The following RFX4 variants were observed in gnomAD, a reference collection of about 807,000 sequenced individuals.
RFX4 encodes the protein transcription factor RFX4.
In RFX4, 10 loss-of-function variants were observed where a neutral mutation model predicts 95.0. That is an observed-to-expected ratio of 0.11 (90% CI 0.06 to 0.18). The LOEUF (loss-of-function observed/expected upper bound fraction) is 0.18. RFX4 is among the 10% of genes least tolerant of loss of function. The pLI is 1.00. For missense variants in RFX4, 640 were observed against 922.0 expected (o/e 0.69, Z 3.96); for synonymous variants, 321 against 340.7 (o/e 0.94, Z 0.64).
chr12:106,689,827 T>C (rs886159059), intron 7 of RFX4, among the ~76,000 whole-genome samples: 1 of 152,210 alleles, frequency 6.6e-6, no homozygotes, highest in South Asian at 2.1e-4. Flanking sequence ...GATCCATAGA[T>C]TTCCATCAAA....
intron 17 of RFX4, among the ~76,000 whole-genome samples, chr12:106,753,713 A>C (rs993365412): frequency 3.3e-5 from 5 of 152,160 alleles, no homozygotes; most frequent in African/African-American, 1.2e-4. Context: ...CTCCTGTCCA[A>C]GCTCTCAGGC....
intron 1 of RFX4, among the ~76,000 whole-genome samples, chr12:106,602,315 G>A (rs933618096): frequency 3.9e-5 from 6 of 152,120 alleles, no homozygotes; most frequent in Non-Finnish European, 8.8e-5. Flanking sequence ...GTGAGTTCCT[G>A]GTGGATAGAA....
chr12:106,753,215 C>T (rs1410640766), intron 17 of RFX4, among the ~76,000 whole-genome samples: 6 of 152,164 alleles, frequency 3.9e-5, no homozygotes, highest in Non-Finnish European at 8.8e-5. Flanking sequence ...TCCCCGCAGC[C>T]ATGCCAGCCC....
chr12:106,668,039 C>G (rs185009826), intron 4 of RFX4, among the ~76,000 whole-genome samples: 28 of 152,274 alleles, frequency 1.8e-4, no homozygotes, highest in African/African-American at 6.7e-4. Context: ...ATGTCCCCCC[C>G]ATGCCTCAAT....
chr12:106,603,637 T>C (rs1434653461), intron 1 of RFX4, among the ~76,000 whole-genome samples: 2 of 152,236 alleles, frequency 1.3e-5, no homozygotes, highest in Admixed American at 1.3e-4. Flanking sequence ...ATGATTTTTA[T>C]AGATCAAGAA....
chr12:106,690,537 T>C (rs181581884), intron 7 of RFX4, among the ~76,000 whole-genome samples: 23 of 152,180 alleles, frequency 1.5e-4, no homozygotes, highest in African/African-American at 5.3e-4. Context: ...TTCCCACCCA[T>C]GTCACAATCC....
chr12:106,613,758 A>C (rs2040012181), intron 2 of RFX4, among the ~76,000 whole-genome samples: 1 of 152,202 alleles, frequency 6.6e-6, no homozygotes, highest in East Asian at 1.9e-4. Flanking sequence ...GGCCTCATAG[A>C]ATAAATTCGA....
intron 8 of RFX4, 85 bp downstream of exon 8, chr12:106,696,531 A>G: frequency 6.7e-7 from 1 of 1,501,574 alleles, no homozygotes; most frequent in African/African-American, 1.4e-5. Context: ...ATAATCATGC[A>G]CTGTCCAGAG....
intron 2 of RFX4, among the ~76,000 whole-genome samples, chr12:106,618,372 T>A (rs1294554737): frequency 1.3e-5 from 2 of 152,160 alleles, no homozygotes; most frequent in African/African-American, 4.8e-5. Context: ...CAGCTCTGAT[T>A]ATGGTTATGG....
chr12:106,583,592 G>A (rs2039407124), intron 1 of RFX4: 3 of 392,840 alleles, frequency 7.6e-6, no homozygotes, highest in African/African-American at 2.1e-5. Context: ...GTGTGTGTGC[G>A]TGCGCGCGCG....
chr12:106,653,756 T>C (rs2040901005), intron 3 of RFX4, among the ~76,000 whole-genome samples: 1 of 152,202 alleles, frequency 6.6e-6, no homozygotes, highest in African/African-American at 2.4e-5. Flanking sequence ...GCATTGGTTT[T>C]CCCAGACAAT....
chr12:106,605,805 C>G (rs974395145), intron 1 of RFX4, among the ~76,000 whole-genome samples: 7 of 152,182 alleles, frequency 4.6e-5, no homozygotes, highest in African/African-American at 1.4e-4. Flanking sequence ...TGAGACCAGA[C>G]TTATTCTGGA....
At chr12:106,757,705 G>A (rs1352321645) in intron 17 of RFX4, among the ~76,000 whole-genome samples, 1 of 152,216 alleles carries the variant, frequency 6.6e-6, no homozygotes, top group Non-Finnish European at 1.5e-5. Context: ...AACAGTTTGT[G>A]CTCCTGACTG....
chr12:106,719,893 T>C, intron 11 of RFX4, 67 bp from the exon 12 acceptor site: 1 of 1,268,644 alleles, frequency 7.9e-7, no homozygotes, highest in Non-Finnish European at 1.1e-6. Context: ...TCCTCTGTTC[T>C]TTTAAGACGT....
intron 8 of RFX4, among the ~76,000 whole-genome samples, chr12:106,702,924 T>C (rs959035852): frequency 2.0e-5 from 3 of 152,224 alleles, no homozygotes; most frequent in African/African-American, 7.2e-5. Flanking sequence ...TCTGTCCTCC[T>C]GTCCTGTCCC....
intron 2 of RFX4, among the ~76,000 whole-genome samples, chr12:106,624,496 T>C (rs566418665): frequency 5.3e-5 from 8 of 152,058 alleles, no homozygotes; most frequent in Non-Finnish European, 8.8e-5. Flanking sequence ...AGCTACTTTT[T>C]GTATTTTTTT....
At chr12:106,626,043 T>C (rs972706822) in intron 2 of RFX4, among the ~76,000 whole-genome samples, 5 of 152,216 alleles carry the variant, frequency 3.3e-5, no homozygotes, top group African/African-American at 1.2e-4. Flanking sequence ...AGGCACATAC[T>C]TGAATATTAA....
intron 1 of RFX4, chr12:106,601,307 G>A (rs1452099509): frequency 5.0e-6 from 8 of 1,595,460 alleles, no homozygotes; most frequent in Non-Finnish European, 6.8e-6. Flanking sequence ...CCCTGGTGCG[G>A]GAGGCGACAG....
chr12:106,732,313 G>A, intron 14 of RFX4, 64 bp downstream of exon 14: 5 of 1,590,836 alleles, frequency 3.1e-6, no homozygotes, highest in Non-Finnish European at 4.3e-6. Context: ...TTACTTCTGT[G>A]CTTTATGTTT....
Sources: allele counts gnomAD v4.1 joint callset (sites outside exome capture counted in the v4.1 genomes callset), GRCh38; gene constraint gnomAD v4.1.1; transcripts MANE v1.5; gene names NCBI Gene and HGNC (gene_info 2026-07-23, HGNC 2026-07-21).